Variants in PABPC4L observed in about 807,000 individuals in gnomAD.
PABPC4L encodes the protein poly(A) binding protein cytoplasmic 4 like, also known as polyadenylate-binding protein 4-like.
For missense variants in PABPC4L, 452 were observed against 451.4 expected, an observed-to-expected ratio of 1.00 and a Z score of -0.01; for synonymous variants, 169 against 164.1, an observed-to-expected ratio of 1.03 and a Z score of -0.23.
chr4:134,087,321 A>AT, the PABPC4L span, among the ~76,000 whole-genome samples: 1 of 152,156 alleles, frequency 6.6e-6, no homozygotes, highest in Admixed American at 6.5e-5. Context: ...TCAGTAAACT[A>AT]TAGCTTGAAA....
the PABPC4L span, among the ~76,000 whole-genome samples, chr4:134,127,600 G>C: frequency 1.3e-5 from 2 of 152,060 alleles, no homozygotes; most frequent in African/African-American, 2.4e-5. Context: ...TAGGGAAAAA[G>C]GTAGAGGACT....
downstream of PABPC4L, among the ~76,000 whole-genome samples, chr4:134,191,462 A>C (rs1469506288): frequency 6.6e-6 from 1 of 152,138 alleles, no homozygotes; most frequent in Non-Finnish European, 1.5e-5. Context: ...GTCTCAATAA[A>C]TTTAAAAAAG....
At chr4:133,963,515 T>G in the PABPC4L span, among the ~76,000 whole-genome samples, 3 of 151,962 alleles carry the variant, frequency 2.0e-5, no homozygotes, top group Non-Finnish European at 4.4e-5. Context: ...TACAGAACAT[T>G]CCATCCAATA....
At chr4:133,992,232 A>C in the PABPC4L span, among the ~76,000 whole-genome samples, 11 of 152,174 alleles carry the variant, frequency 7.2e-5, no homozygotes, top group Non-Finnish European at 1.5e-5. Flanking sequence ...AAGATGTTAT[A>C]ATTGCCTAAC....
the PABPC4L span, among the ~76,000 whole-genome samples, chr4:134,104,803 A>G: frequency 6.6e-6 from 1 of 151,736 alleles, no homozygotes; most frequent in Admixed American, 6.6e-5. Context: ...CAAATAAGTC[A>G]ACATCTATGG....
At chr4:134,104,209 C>T in the PABPC4L span, among the ~76,000 whole-genome samples, 1 of 151,744 alleles carries the variant, frequency 6.6e-6, no homozygotes, top group African/African-American at 2.4e-5. Flanking sequence ...CCTGGAAGTT[C>T]TCAAGCTGGC....
the PABPC4L span, among the ~76,000 whole-genome samples, chr4:134,056,935 C>T: frequency 1.3e-5 from 2 of 151,976 alleles, no homozygotes; most frequent in Non-Finnish European, 2.9e-5. Context: ...TAAACCTGAG[C>T]GCCATAGATA....
the PABPC4L span, among the ~76,000 whole-genome samples, chr4:134,113,765 T>C: frequency 2.0e-5 from 3 of 151,952 alleles, no homozygotes; most frequent in South Asian, 2.1e-4. Context: ...GTAAGTAGCA[T>C]TTAATCAGTG....
the PABPC4L span, among the ~76,000 whole-genome samples, chr4:134,093,598 G>T: frequency 7.0e-6 from 1 of 142,650 alleles, no homozygotes. Context: ...TTGAGACCAA[G>T]TCTCACTGTG....
At chr4:134,112,054 A>G in the PABPC4L span, among the ~76,000 whole-genome samples, 1 of 152,020 alleles carries the variant, frequency 6.6e-6, no homozygotes, top group Non-Finnish European at 1.5e-5. Flanking sequence ...TATTCTATAT[A>G]AAATAATGAC....
the PABPC4L span, among the ~76,000 whole-genome samples, chr4:134,055,240 C>T: frequency 1.6e-3 from 248 of 151,794 alleles, no homozygotes; most frequent in African/African-American, 5.5e-3. Flanking sequence ...TAATACACAA[C>T]AAAACAAGAA....
chr4:134,167,514 C>T, the PABPC4L span, among the ~76,000 whole-genome samples: 5 of 151,642 alleles, frequency 3.3e-5, no homozygotes, highest in African/African-American at 1.2e-4. Flanking sequence ...AAAAACAGGA[C>T]TCAAGTATAT....
chr4:134,198,059 A>G lies in PABPC4L; in HGVS notation c.*1848T>C, dbSNP rs1250634008. The G allele has an allele frequency of 2.0e-5, 3 of 151,804 alleles. No individual in the cohort carries two copies. Among genetic ancestry groups the G allele is most frequent in the African/African-American group, 7.2e-5 (3 of 41,432 alleles). The allele number at this position is 151,804 out of a possible 1,614,324, so 9.4% of individuals were successfully genotyped here. On this transcript the variant is annotated 3_prime_UTR_variant, in exon 2 of 2. Coordinates refer to ENST00000421491, the MANE Select transcript of PABPC4L (RefSeq NM_001114734.2). ...AAAAAGGAAGAAATTATCTAGCAAC[A>G]AGAAGTTTATCAATAAGAAATTAGT...
chr4:134,036,270 A>C, the PABPC4L span, among the ~76,000 whole-genome samples: 1 of 152,192 alleles, frequency 6.6e-6, no homozygotes, highest in African/African-American at 2.4e-5. Context: ...ATAAACCTTT[A>C]CCTTTCTGAC....
At chr4:134,185,305 C>T in the PABPC4L span, among the ~76,000 whole-genome samples, 460 of 152,048 alleles carry the variant, frequency 3.0e-3, 2 homozygotes, top group African/African-American at 8.3e-3. Flanking sequence ...ACTGGCAAAC[C>T]GGATCCAGCA....
the PABPC4L span, among the ~76,000 whole-genome samples, chr4:134,189,554 A>G: frequency 0.45 from 68,701 of 151,816 alleles, 18,026 homozygotes; most frequent in East Asian, 0.98. Context: ...GTGTATATAC[A>G]TTCACATATA....
At chr4:134,083,922 A>C in the PABPC4L span, among the ~76,000 whole-genome samples, 2 of 152,154 alleles carry the variant, frequency 1.3e-5, no homozygotes, top group Admixed American at 1.3e-4. Flanking sequence ...AAATTTATTC[A>C]TGTACATTTA....
the PABPC4L span, among the ~76,000 whole-genome samples, chr4:134,121,350 A>G: frequency 6.6e-6 from 1 of 151,342 alleles, no homozygotes; most frequent in Non-Finnish European, 1.5e-5. Flanking sequence ...GTAACATTTT[A>G]TTGAATGTTG....
At chr4:133,980,242 T>A in the PABPC4L span, among the ~76,000 whole-genome samples, 1 of 152,192 alleles carries the variant, frequency 6.6e-6, no homozygotes, top group Non-Finnish European at 1.5e-5. Context: ...AGGCTTCTTA[T>A]ATGTCAAGCT....
Sources: allele counts gnomAD v4.1 joint callset (sites outside exome capture counted in the v4.1 genomes callset), GRCh38; gene constraint gnomAD v4.1.1; transcripts MANE v1.5; gene names NCBI Gene and HGNC (gene_info 2026-07-23, HGNC 2026-07-21).